The following CDH12 variants were observed in gnomAD, a reference collection of about 807,000 sequenced individuals.
The protein encoded by CDH12 is cadherin 12.
In CDH12, 41 loss-of-function variants were observed where a neutral mutation model predicts 74.1. The observed-to-expected ratio is 0.55, with a 90% CI of 0.43 to 0.72. CDH12 has a LOEUF of 0.72. Ranked by LOEUF, CDH12 falls within the 30% of genes least tolerant of loss-of-function variation. The pLI is 0.00. For missense variants in CDH12, 945 were observed against 977.2 expected, an observed-to-expected ratio of 0.97 and a Z score of 0.44; for synonymous variants, 399 against 355.0, an observed-to-expected ratio of 1.12 and a Z score of -1.39.
At chr5:22,747,419 T>G (rs1470461974) in intron 1 of CDH12, among the ~76,000 whole-genome samples, 2 of 150,342 alleles carry the variant, frequency 1.3e-5, no homozygotes, top group East Asian at 3.9e-4. Flanking sequence ...AGTTAAGGAA[T>G]TCAAGAACAG....
chr5:21,971,428 A>G (rs929593329), intron 6 of CDH12, among the ~76,000 whole-genome samples: 2 of 152,182 alleles, frequency 1.3e-5, no homozygotes, highest in Non-Finnish European at 2.9e-5. Flanking sequence ...ATCTTTAGTT[A>G]GATCACATGG....
At chr5:22,814,602 G>T (rs1026104561) in intron 1 of CDH12, among the ~76,000 whole-genome samples, 2 of 151,948 alleles carry the variant, frequency 1.3e-5, no homozygotes, top group Non-Finnish European at 2.9e-5. Context: ...ATAACTTAGG[G>T]TGAATACAAT....
intron 3 of CDH12, among the ~76,000 whole-genome samples, chr5:22,281,754 C>G (rs142761527): frequency 8.3e-4 from 127 of 152,264 alleles, no homozygotes; most frequent in Middle Eastern, 6.8e-3. Context: ...ACATTCCATG[C>G]TCATGGATAG....
intron 5 of CDH12, among the ~76,000 whole-genome samples, chr5:22,058,132 C>T (rs1740882204): frequency 6.6e-6 from 1 of 152,118 alleles, no homozygotes; most frequent in African/African-American, 2.4e-5. Context: ...TCTCGGCTCA[C>T]TGCAACTTCT....
At chr5:22,631,554 G>C (rs1204501360) in intron 1 of CDH12, among the ~76,000 whole-genome samples, 1 of 152,110 alleles carries the variant, frequency 6.6e-6, no homozygotes, top group East Asian at 1.9e-4. Flanking sequence ...AAATACTGCA[G>C]GTTCTCACTT....
intron 3 of CDH12, among the ~76,000 whole-genome samples, chr5:22,327,426 CTCTG>C (rs139137371): frequency 0.24 from 30,567 of 128,146 alleles, 3,176 homozygotes; most frequent in South Asian, 0.4. Context: ...AAATTTGTGC[CTCTG>C]TGTGTGTGTG....
chr5:22,499,394 C>T (rs1344112914), intron 2 of CDH12, among the ~76,000 whole-genome samples: 3 of 152,112 alleles, frequency 2.0e-5, no homozygotes, highest in East Asian at 1.9e-4. Context: ...TCTTAGTTTA[C>T]ATGGCAGAAA....
chr5:22,470,202 CT>C (rs1417172735), intron 2 of CDH12, among the ~76,000 whole-genome samples: 4 of 151,930 alleles, frequency 2.6e-5, no homozygotes, highest in Non-Finnish European at 5.9e-5. Flanking sequence ...AGGATTCTTA[CT>C]TTATAAGCAA....
chr5:22,601,249 G>C (rs745529531), intron 1 of CDH12, among the ~76,000 whole-genome samples: 4 of 151,996 alleles, frequency 2.6e-5, no homozygotes. Context: ...ATGTCATGAA[G>C]GTTTGTGGTA....
chr5:22,373,323 T>C (rs536088008), intron 3 of CDH12, among the ~76,000 whole-genome samples: 1 of 152,244 alleles, frequency 6.6e-6, no homozygotes, highest in Admixed American at 6.5e-5. Context: ...CCACCACTAG[T>C]GCCAGCATGA....
chr5:22,064,067 A>G lies in CDH12; in HGVS notation c.231+14379T>C, dbSNP rs1741389540. On this transcript the variant is annotated intron_variant, in intron 5 of 14. Transcript: ENST00000382254. ...TGACCATTGAGCAACACAAGTTTGA[A>G]GTTCAGGGGTCCACTTATATGTGGA... Among the ~76,000 whole-genome samples the G allele has an allele frequency of 2.6e-5, 4 of 152,150 alleles. No homozygotes were observed. In the South Asian group the frequency reaches 8.3e-4, roughly 32 times the overall value.
At chr5:22,110,501 C>T (rs900963389) in intron 4 of CDH12, among the ~76,000 whole-genome samples, 1 of 151,718 alleles carries the variant, frequency 6.6e-6, no homozygotes, top group Non-Finnish European at 1.5e-5. Context: ...GCAATAGGCA[C>T]TCACTTCTGA....
intron 1 of CDH12, chr5:22,580,495 TAG>T (rs992910256): frequency 4.1e-6 from 2 of 484,378 alleles, no homozygotes; most frequent in African/African-American, 3.9e-5. Flanking sequence ...TTATGGCTTG[TAG>T]AGAGTGAGCC....
chr5:22,616,920 A>G (rs1277195355), intron 1 of CDH12, among the ~76,000 whole-genome samples: 4 of 151,820 alleles, frequency 2.6e-5, no homozygotes, highest in African/African-American at 9.7e-5. Flanking sequence ...GCTGAAGTGT[A>G]GTGGTGTGAT....
At chr5:22,435,210 G>T (rs954282125) in intron 2 of CDH12, among the ~76,000 whole-genome samples, 1 of 152,036 alleles carries the variant, frequency 6.6e-6, no homozygotes, top group African/African-American at 2.4e-5. Flanking sequence ...ATGTGAAAAG[G>T]CTACACTGGC....
At chr5:22,391,988 G>T (rs1742267629) in intron 3 of CDH12, among the ~76,000 whole-genome samples, 1 of 152,174 alleles carries the variant, frequency 6.6e-6, no homozygotes, top group African/African-American at 2.4e-5. Context: ...CACCAAAGAG[G>T]TAAGGGATGG....
At chr5:22,029,682 A>G (rs1484787710) in intron 5 of CDH12, among the ~76,000 whole-genome samples, 1 of 152,200 alleles carries the variant, frequency 6.6e-6, no homozygotes, top group Non-Finnish European at 1.5e-5. Context: ...AAACTAGATC[A>G]ACCATTGTGG....
Position 22,586,837 on chromosome 5 carries a change from A to ATTTT in CDH12, c.-522-81477_-522-81474dup, listed in dbSNP as rs11417237. 2.8e-4 allele frequency among the ~76,000 whole-genome samples: 29 copies of ATTTT among 105,422 alleles called. 1 individual carries two copies. The highest frequency in any genetic ancestry group is 2.0e-3 in the East Asian group (7 of 3,474). The allele number at this position is 105,422 out of a possible 152,430, so 69.2% of individuals were successfully genotyped here. A position where few individuals can be genotyped will look rare whatever the true frequency, so the allele number is the denominator to read the frequency against. ...CCAATGCAACAGAGTTTAGAGGAGG[A>ATTTT]TTTTTTTTTTTTTTTTTTTTTTGGA... On this transcript the variant is annotated intron_variant, in intron 1 of 14. Transcript: ENST00000382254.
intron 1 of CDH12, among the ~76,000 whole-genome samples, chr5:22,755,312 T>A (rs1481441213): frequency 6.6e-6 from 1 of 152,188 alleles, no homozygotes; most frequent in Non-Finnish European, 1.5e-5. Flanking sequence ...ATTGTTAAAC[T>A]GTATTTGTTG....
Sources: gnomAD v4.1 joint callset for allele counts (sites outside exome capture counted in the v4.1 genomes callset) on GRCh38, gnomAD v4.1.1 for gene constraint, MANE v1.5 for transcripts, NCBI Gene and HGNC (gene_info 2026-07-23, HGNC 2026-07-21) for gene names.